Variants in RIMBP2 observed in about 807,000 individuals in gnomAD.
RIMBP2 encodes RIMS binding protein 2, also known as RIMS-binding protein 2.
Under a neutral mutation model 118.6 loss-of-function variants are expected in RIMBP2, and 48 were observed. The ratio of observed to expected loss-of-function variants is 0.40; its 90% CI spans 0.32 to 0.51. The LOEUF (loss-of-function observed/expected upper bound fraction) is 0.51, where lower values mean the gene tolerates loss of function less well. Among genes scored for constraint, RIMBP2 ranks in the 20% least tolerant of loss-of-function variants. The probability of loss-of-function intolerance (pLI) is 0.41; values close to 1 mark genes in which losing one functional copy is unlikely to be tolerated. For synonymous variants in RIMBP2, 762 were observed against 742.9 expected, an observed-to-expected ratio of 1.03 and a Z score of -0.42; for missense variants, 1,551 against 1,768.3, an observed-to-expected ratio of 0.88 and a Z score of 2.20.
chr12:130,666,571 G>A (rs957902295), intron 1 of RIMBP2, among the ~76,000 whole-genome samples: 2 of 152,114 alleles, frequency 1.3e-5, no homozygotes, highest in Admixed American at 1.3e-4. Flanking sequence ...GTCCTACAAA[G>A]GAGAGGTGGT....
At chr12:130,438,589 C>T in intron 11 of RIMBP2, 73 bp from the exon 12 acceptor site, 1 of 1,351,326 alleles carries the variant, frequency 7.4e-7, no homozygotes, top group African/African-American at 1.5e-5. Context: ...TGGGCTCTGC[C>T]CATCTCACCT....
chr12:130,705,860 A>G (rs534228625), intron 1 of RIMBP2, among the ~76,000 whole-genome samples: 2 of 152,364 alleles, frequency 1.3e-5, no homozygotes, highest in South Asian at 4.1e-4. Flanking sequence ...CATCCCTGCA[A>G]GGTCACAAAA....
In RIMBP2 at chr12:130,547,761, C is replaced by T. The variant is rs546726835; in HGVS notation, c.-216-29844G>A. On this transcript the variant is annotated intron_variant, in intron 2 of 22. Transcript: ENST00000690449. ...GCCAGGGAGATCTCAGAGCAAAGCA[C>T]GATCACAGAAAACTGCCTACGCTCG... is the stretch of plus-strand genomic sequence containing the variant. Among the ~76,000 whole-genome samples, 82 of 152,312 alleles carry T rather than the reference C, an allele frequency of 5.4e-4. 3 individuals are homozygous for T. In the South Asian group the frequency reaches 0.016, roughly 30 times the overall value.
At chr12:130,529,122 A>G (rs2053108360) in intron 2 of RIMBP2, among the ~76,000 whole-genome samples, 1 of 152,246 alleles carries the variant, frequency 6.6e-6, no homozygotes, top group Non-Finnish European at 1.5e-5. Context: ...AGCCTACAGA[A>G]GGAATGACGT....
chr12:130,561,337 T>C (rs1237404845), intron 2 of RIMBP2, among the ~76,000 whole-genome samples: 1 of 152,180 alleles, frequency 6.6e-6, no homozygotes, highest in East Asian at 1.9e-4. Context: ...ACATATTTTA[T>C]GTCTTCATTC....
intron 1 of RIMBP2, among the ~76,000 whole-genome samples, chr12:130,649,723 T>G (rs1305735336): frequency 1.3e-5 from 2 of 152,114 alleles, no homozygotes; most frequent in East Asian, 3.9e-4. Flanking sequence ...CTCTCAGCCC[T>G]GAGAAAATCA....
intron 1 of RIMBP2, among the ~76,000 whole-genome samples, chr12:130,650,957 T>A (rs1442370135): frequency 2.3e-5 from 3 of 130,426 alleles, no homozygotes; most frequent in Non-Finnish European, 4.9e-5. Flanking sequence ...CTTGTTTTTT[T>A]TAAAAAAAAA....
At position 130,442,716 on chromosome 12, in the gene RIMBP2, C is replaced by A. The variant is rs2078230324; in HGVS notation, c.692-56G>T. The A allele has an allele frequency of 2.7e-6, 4 of 1,457,404 alleles. No homozygotes were observed. The highest frequency in any genetic ancestry group is 1.9e-4 in the Middle Eastern group (1 of 5,304). The allele number at this position is 1,457,404 out of a possible 1,614,324, so 90.3% of individuals were successfully genotyped here. A position where few individuals can be genotyped will look rare whatever the true frequency, so the allele number is the denominator to read the frequency against. On this transcript the variant is annotated intron_variant, in intron 10 of 22. Transcript: ENST00000690449. The surrounding 1 kb of genome is among the most constrained non-coding windows in gnomAD (Gnocchi z 6.9). ...AGCCAACACAGCAGGGGCCTCGAGGCCCCCAGTGTACTCCCACCTCCCCCA... is the reference window on the plus strand; with the variant it reads ...AGCCAACACAGCAGGGGCCTCGAGGACCCCAGTGTACTCCCACCTCCCCCA...
At chr12:130,598,605 G>A (rs947860486) in intron 2 of RIMBP2, among the ~76,000 whole-genome samples, 4 of 152,056 alleles carry the variant, frequency 2.6e-5, no homozygotes, top group East Asian at 3.9e-4. Context: ...GCAGGTGCCT[G>A]TAGTCCCAGC....
rs1472406114 is a variant in RIMBP2, at chr12:130,535,657, A to G, written c.-216-17740T>C. Among the ~76,000 whole-genome samples, 3 of 149,322 alleles carry G rather than the reference A, an allele frequency of 2.0e-5. No individual in the cohort carries two copies. In the Admixed American group the frequency reaches 2.0e-4, roughly 10 times the overall value. ...TATACACATAGATATACATACATAT[A>G]CACATATACATATATACACATATAT... On this transcript the variant is annotated intron_variant, in intron 2 of 22. Transcript: ENST00000690449.
chr12:130,585,206 C>A (rs2058805115), intron 2 of RIMBP2, among the ~76,000 whole-genome samples: 1 of 152,144 alleles, frequency 6.6e-6, no homozygotes. Context: ...CCAGCCCCAT[C>A]ATTGCTACCA....
chr12:130,567,588 T>C (rs937748993), intron 2 of RIMBP2, among the ~76,000 whole-genome samples: 7 of 152,134 alleles, frequency 4.6e-5, no homozygotes, highest in African/African-American at 1.7e-4. Flanking sequence ...GCCCCCCACA[T>C]AACTGGGCAT....
At chr12:130,605,696 G>A (rs187854631) in intron 2 of RIMBP2, among the ~76,000 whole-genome samples, 56 of 152,292 alleles carry the variant, frequency 3.7e-4, no homozygotes, top group East Asian at 1.7e-3. Context: ...ACATGATTGC[G>A]TCTGTGTGCT....
chr12:130,472,211 G>T (rs1264142962), intron 5 of RIMBP2: 1 of 152,210 alleles, frequency 6.6e-6, no homozygotes, highest in African/African-American at 2.4e-5. Flanking sequence ...TCAGTGATGG[G>T]CACAAAAACA....
At position 130,689,161 on chromosome 12, in the gene RIMBP2, G is replaced by A. The variant is rs956552454; in HGVS notation, c.-352+27061C>T. Among the ~76,000 whole-genome samples the A allele has an allele frequency of 8.5e-5, 13 of 152,160 alleles. 1 individual carries two copies. The highest frequency in any genetic ancestry group is 2.4e-4 in the African/African-American group (10 of 41,418). ...TGCACCAAACATGAGGGGCTCCCGT[G>A]TCCTGGGCCGGGCACAGTGGCTCAC... is the stretch of plus-strand genomic sequence containing the variant. On this transcript the variant is annotated intron_variant, in intron 1 of 22. Coordinates refer to ENST00000690449, the MANE Select transcript of RIMBP2 (RefSeq NM_001393629.1).
Position 130,424,142 on chromosome 12 carries a change from C to T in RIMBP2, c.3129G>A (p.Leu1043=). The change falls in exon 16 of 23, where the codon CTG becomes CTA. Residue 1043 remains leucine, a splice_region_variant and synonymous_variant. Transcript: ENST00000690449. This position sits in a 1 kb window ranked among gnomAD's most constrained non-coding sequence, Gnocchi z 9.8. ...KPPPRVAQGP[L]ILGNPASAGR... is the part of the protein sequence containing the mutation. The stretch of plus-strand genomic sequence containing the variant: ...TGAAAAGGAAGTTTAGGTCACACAC[C>T]AGGGGGCCTTGTGCGACTCTGGGAG... 8.1e-7 allele frequency: 1 copy of T among 1,228,242 alleles called. No homozygotes were observed. The highest frequency in any genetic ancestry group is 4.1e-5 in the South Asian group (1 of 24,240). 76.1% of individuals were successfully genotyped at this position (1,228,242 alleles called of 1,614,324 possible).
intron 1 of RIMBP2, among the ~76,000 whole-genome samples, chr12:130,630,721 T>C (rs2061939409): frequency 6.6e-6 from 1 of 151,986 alleles, no homozygotes; most frequent in Non-Finnish European, 1.5e-5. Context: ...AGGAAAAAAA[T>C]GGGTTAGGGC....
intron 2 of RIMBP2, among the ~76,000 whole-genome samples, chr12:130,530,057 T>C (rs1288871245): frequency 6.6e-6 from 1 of 152,142 alleles, no homozygotes; most frequent in African/African-American, 2.4e-5. Flanking sequence ...AACAGTATGT[T>C]TCCCTGGGTG....
rs2076490065 is a variant in RIMBP2 at position 130,422,630 on chromosome 12, A to C, written c.3130-69T>G. ...GGGAACTGAAGAATTCAGTTAGCCA[A>C]ATCAAGCGGGTTGAAAAGCAGAATC... is the stretch of plus-strand genomic sequence containing the variant. On this transcript the variant is annotated intron_variant, in intron 16 of 22. Coordinates refer to ENST00000690449, the MANE Select transcript of RIMBP2 (RefSeq NM_001393629.1). The surrounding 1 kb of genome is among the most constrained non-coding windows in gnomAD (Gnocchi z 5.2). 1.7e-6 allele frequency: 2 copies of C among 1,143,692 alleles called. No homozygotes were observed. Among genetic ancestry groups the C allele is most frequent in the Middle Eastern group, 2.0e-4 (1 of 5,110 alleles). 70.8% of individuals were successfully genotyped at this position (1,143,692 alleles called of 1,614,324 possible).
Sources: allele counts gnomAD v4.1 joint callset (sites outside exome capture counted in the v4.1 genomes callset), GRCh38; gene constraint gnomAD v4.1.1; non-coding constraint Gnocchi (gnomAD v3.1); transcripts MANE v1.5; gene names NCBI Gene and HGNC (gene_info 2026-07-23, HGNC 2026-07-21).